Variants in LEMD3 observed in about 807,000 individuals in gnomAD.
The protein encoded by LEMD3 is inner nuclear membrane protein Man1.
Under a neutral mutation model 95.2 loss-of-function variants are expected in LEMD3, and 33 were observed. The ratio of observed to expected loss-of-function variants is 0.35; its 90% CI spans 0.26 to 0.46. The LOEUF is 0.46. Ranked by LOEUF, LEMD3 falls within the 20% of genes least tolerant of loss-of-function variation. LEMD3 has a pLI of 1.00. For missense variants in LEMD3, 1,210 were observed against 1,192.8 expected (o/e 1.01, Z -0.21); for synonymous variants, 525 against 474.6 (o/e 1.11, Z -1.38).
chr12:65,225,849 C>T (rs1241290116), intron 4 of LEMD3, among the ~76,000 whole-genome samples: 3 of 152,144 alleles, frequency 2.0e-5, no homozygotes, highest in African/African-American at 7.2e-5. Context: ...CAAAGTGCAG[C>T]GATTACAGGC....
intron 4 of LEMD3, among the ~76,000 whole-genome samples, chr12:65,223,674 C>T (rs1348693643): frequency 6.6e-6 from 1 of 151,418 alleles, no homozygotes; most frequent in Non-Finnish European, 1.5e-5. Context: ...TTTAATTATT[C>T]ATTCAGCCAC....
intron 10 of LEMD3, among the ~76,000 whole-genome samples, chr12:65,244,993 A>G (rs12311855): frequency 0.03 from 4,608 of 152,186 alleles, 232 homozygotes; most frequent in African/African-American, 0.11. Context: ...TAAGTTCACA[A>G]CTCATTTAAA....
At chr12:65,223,210 A>C (rs905167334) in intron 4 of LEMD3, among the ~76,000 whole-genome samples, 35 of 152,004 alleles carry the variant, frequency 2.3e-4, no homozygotes, top group African/African-American at 8.5e-4. Context: ...AATGTGGGAT[A>C]CATACATATT....
At chr12:65,207,746 C>T (rs550328900) in intron 1 of LEMD3, among the ~76,000 whole-genome samples, 1 of 152,232 alleles carries the variant, frequency 6.6e-6, no homozygotes, top group Non-Finnish European at 1.5e-5. Flanking sequence ...AATAGCATAT[C>T]CTTTATTCTC....
At chr12:65,202,071 G>T (rs965373964) in intron 1 of LEMD3, among the ~76,000 whole-genome samples, 4 of 150,760 alleles carry the variant, frequency 2.7e-5, no homozygotes, top group Non-Finnish European at 4.4e-5. Context: ...GAGTGCAATG[G>T]TGCAATCTCG....
At chr12:65,182,995 G>T (rs990416610) in intron 1 of LEMD3, among the ~76,000 whole-genome samples, 4 of 152,192 alleles carry the variant, frequency 2.6e-5, no homozygotes, top group African/African-American at 9.6e-5. Flanking sequence ...AAATTAGAAG[G>T]TATTTAAAGT....
chr12:65,217,311 A>G (rs1870140296), intron 3 of LEMD3, among the ~76,000 whole-genome samples: 1 of 152,232 alleles, frequency 6.6e-6, no homozygotes, highest in South Asian at 2.1e-4. Context: ...AACTTCATTT[A>G]TAAAAACCAG....
intron 9 of LEMD3, 24 bp downstream of exon 9, chr12:65,241,111 AAG>A (rs1336235578): frequency 1.5e-5 from 24 of 1,600,428 alleles, no homozygotes; most frequent in Non-Finnish European, 2.0e-5. Context: ...AACATCAAAA[AAG>A]TAATTTTCTT....
chr12:65,170,068 G>A lies in LEMD3; in HGVS notation c.472G>A (p.Gly158Arg). ...ASPRDQAGGG[G>R]RKDRASLQYR... ...TCCCCGGGACCAGGCCGGCGGCGGC[G>A]GGAGGAAAGACCGGGCTTCGCTCCA... The change falls in exon 1 of 13, where the codon GGG (glycine) becomes AGG (arginine). Residue 158 changes from glycine to arginine, a missense_variant. Around this residue, in one of 2 missense-constraint regions of LEMD3, gnomAD observed 749 missense variants for 622.9 expected, o/e 1.20. Transcript: ENST00000308330. The A allele has an allele frequency of 6.7e-7, 1 of 1,486,948 alleles. No individual in the cohort carries two copies. The highest frequency in any genetic ancestry group is 1.8e-4 in the Middle Eastern group (1 of 5,632). 92.1% of individuals were successfully genotyped at this position (1,486,948 alleles called of 1,614,324 possible). A position where few individuals can be genotyped will look rare whatever the true frequency, so the allele number is the denominator to read the frequency against.
In LEMD3 at chr12:65,170,547, G is replaced by T; in HGVS notation, c.951G>T (p.Ala317=). The change falls in exon 1 of 13, where the codon GCG becomes GCT. Residue 317 remains alanine (A), a synonymous_variant. Coordinates refer to ENST00000308330, the MANE Select transcript of LEMD3 (RefSeq NM_014319.5). ...CAGTTCAGGGAGGGGGAGGACTCGC[G>T]ATGAATGACAGGGCGGCGGCTGCCG... is the stretch of plus-strand genomic sequence containing the variant. ...ETSVQGGGGL[A]MNDRAAAAGS... The T allele has an allele frequency of 6.2e-7, 1 of 1,614,108 alleles. No homozygotes were observed. Among genetic ancestry groups the T allele is most frequent in the South Asian group, 1.1e-5 (1 of 91,086 alleles).
chr12:65,215,912 T>A (rs1337042787), intron 2 of LEMD3, 65 bp from the exon 3 acceptor site: 2 of 632,970 alleles, frequency 3.2e-6, no homozygotes, highest in East Asian at 5.8e-5. Context: ...TTTTTTTGAT[T>A]AAGAATTATT....
intron 1 of LEMD3, among the ~76,000 whole-genome samples, chr12:65,190,974 A>G (rs1869222093): frequency 6.6e-6 from 1 of 152,100 alleles, no homozygotes; most frequent in East Asian, 1.9e-4. Context: ...GCAAAGCACA[A>G]CATTGCAGAA....
intron 1 of LEMD3, among the ~76,000 whole-genome samples, chr12:65,172,173 A>G (rs6581616): frequency 0.019 from 2,844 of 152,288 alleles, 86 homozygotes; most frequent in African/African-American, 0.064. Context: ...GAACTTTCCT[A>G]ATCTATAAGA....
intron 1 of LEMD3, among the ~76,000 whole-genome samples, chr12:65,185,688 A>G (rs1157821523): frequency 2.7e-5 from 4 of 150,432 alleles, no homozygotes; most frequent in Non-Finnish European, 4.4e-5. Flanking sequence ...TTTATATATA[A>G]TATATATAGC....
intron 1 of LEMD3, among the ~76,000 whole-genome samples, chr12:65,187,602 TA>T (rs1043855094): frequency 2.4e-3 from 352 of 147,460 alleles, no homozygotes; most frequent in African/African-American, 7.6e-3. Context: ...TTCCCCCCTT[TA>T]AAAAAAAAAA....
At chr12:65,201,237 T>C (rs1408394778) in intron 1 of LEMD3, among the ~76,000 whole-genome samples, 1 of 152,162 alleles carries the variant, frequency 6.6e-6, no homozygotes, top group African/African-American at 2.4e-5. Context: ...ACTGTCAGTC[T>C]CCCACCTTTG....
intron 1 of LEMD3, among the ~76,000 whole-genome samples, chr12:65,192,563 A>T (rs947465210): frequency 6.6e-6 from 1 of 152,086 alleles, no homozygotes; most frequent in Non-Finnish European, 1.5e-5. Flanking sequence ...AACATGTCTT[A>T]CTTTCCTCCA....
At chr12:65,181,269 T>G (rs2136319326) in intron 1 of LEMD3, among the ~76,000 whole-genome samples, 1 of 152,304 alleles carries the variant, frequency 6.6e-6, no homozygotes, top group South Asian at 2.1e-4. Context: ...CTTGTTTGAT[T>G]TAGTTCATTT....
chr12:65,195,199 A>G (rs1361540307), intron 1 of LEMD3, among the ~76,000 whole-genome samples: 1 of 152,122 alleles, frequency 6.6e-6, no homozygotes, highest in African/African-American at 2.4e-5. Context: ...CTTAATTTAC[A>G]TAAGCACTTA....
Sources: allele counts gnomAD v4.1 joint callset (sites outside exome capture counted in the v4.1 genomes callset), GRCh38; gene constraint gnomAD v4.1.1; regional missense constraint gnomAD v4.1.1; transcripts MANE v1.5; gene names NCBI Gene and HGNC (gene_info 2026-07-23, HGNC 2026-07-21).